CTNNA3: variants seen among roughly 807,000 people sequenced by gnomAD.
CTNNA3 encodes the protein catenin alpha-3.
CTNNA3 carries 76 observed loss-of-function variants against 95.7 expected under a neutral mutation model. The observed-to-expected ratio is 0.79, with a 90% CI of 0.66 to 0.96. The LOEUF (loss-of-function observed/expected upper bound fraction) is 0.96, where lower values mean the gene tolerates loss of function less well. Ranked by LOEUF, CTNNA3 falls within the 40% of genes least tolerant of loss-of-function variation. CTNNA3 has a pLI of 0.00. For synonymous variants in CTNNA3, 431 were observed against 374.4 expected, an observed-to-expected ratio of 1.15 and a Z score of -1.74; for missense variants, 1,191 against 1,089.8, an observed-to-expected ratio of 1.09 and a Z score of -1.31.
At chr10:65,982,196 G>A (rs756305169) in intron 16 of CTNNA3, among the ~76,000 whole-genome samples, 5 of 144,784 alleles carry the variant, frequency 3.5e-5, no homozygotes, top group Admixed American at 2.1e-4. Context: ...ATGAATAGAC[G>A]ATTCTCAAAA....
intron 7 of CTNNA3, among the ~76,000 whole-genome samples, chr10:66,922,208 C>T (rs1005780409): frequency 1.3e-5 from 2 of 152,114 alleles, no homozygotes; most frequent in Admixed American, 1.3e-4. Flanking sequence ...TTTAACTCGT[C>T]AGGTAGTTTA....
At chr10:66,380,350 C>T (rs72804769) in intron 11 of CTNNA3, among the ~76,000 whole-genome samples, 9,214 of 152,124 alleles carry the variant, frequency 0.061, 394 homozygotes, top group East Asian at 0.099. Flanking sequence ...TGGCTCACAT[C>T]TATAATCCTA....
At position 67,209,704 on chromosome 10, in the gene CTNNA3, T is replaced by C. The variant is rs1864060816; in HGVS notation, c.843+9903A>G. ...AATTAATTTTAAAGGATGACAAAAA[T>C]AAACAAAAAACAATTTTAAAACACC... On this transcript the variant is annotated intron_variant, in intron 6 of 17. Coordinates refer to ENST00000433211, the MANE Select transcript of CTNNA3 (RefSeq NM_013266.4). Among the ~76,000 whole-genome samples, 4 of 148,966 alleles carry C rather than the reference T, an allele frequency of 2.7e-5. No individual in the cohort carries two copies. The South Asian group carries it at 8.5e-4, about 31-fold the overall frequency.
intron 13 of CTNNA3, among the ~76,000 whole-genome samples, chr10:66,241,675 G>A (rs1482875704): frequency 6.8e-6 from 1 of 147,092 alleles, no homozygotes; most frequent in African/African-American, 2.5e-5. Flanking sequence ...ACTTAACTGG[G>A]CAATGATATG....
rs537857748 is a variant in CTNNA3, at chr10:67,683,950, T to C, written c.-6+12050A>G. On this transcript the variant is annotated intron_variant, in intron 1 of 17. Coordinates refer to ENST00000433211, the MANE Select transcript of CTNNA3 (RefSeq NM_013266.4). ...AGCCGCAGACCCTCGTGGTGAGTAT[T>C]ACAGCTCATAAAGGTAATGCGAACC... is the stretch of plus-strand genomic sequence containing the variant. Among the ~76,000 whole-genome samples the C allele has an allele frequency of 2.6e-5, 4 of 152,322 alleles. No individual in the cohort carries two copies. The South Asian group carries it at 8.3e-4, about 32-fold the overall frequency.
chr10:67,603,718 A>C (rs927290529), intron 3 of CTNNA3, among the ~76,000 whole-genome samples: 8 of 152,220 alleles, frequency 5.3e-5, no homozygotes, highest in Admixed American at 4.6e-4. Context: ...TTACTACAAA[A>C]GAGTCAAAAA....
intron 13 of CTNNA3, among the ~76,000 whole-genome samples, chr10:66,253,136 T>C (rs1180684907): frequency 6.6e-6 from 1 of 152,234 alleles, no homozygotes; most frequent in African/African-American, 2.4e-5. Flanking sequence ...AAATCAATGA[T>C]ACATTTTTCC....
chr10:67,076,879 CTT>C (rs1856775682), intron 7 of CTNNA3, among the ~76,000 whole-genome samples: 1 of 152,192 alleles, frequency 6.6e-6, no homozygotes, highest in African/African-American at 2.4e-5. Context: ...AAACCTCTCT[CTT>C]GAGCTCTAGA....
At chr10:66,991,440 G>A (rs1327380344) in intron 7 of CTNNA3, among the ~76,000 whole-genome samples, 2 of 152,082 alleles carry the variant, frequency 1.3e-5, no homozygotes, top group Non-Finnish European at 2.9e-5. Flanking sequence ...ACACCATCAT[G>A]TTTTATCTCT....
intron 3 of CTNNA3, among the ~76,000 whole-genome samples, chr10:67,591,505 A>C (rs1842786233): frequency 6.6e-6 from 1 of 152,142 alleles, no homozygotes; most frequent in Non-Finnish European, 1.5e-5. Flanking sequence ...ATTTGTAAAA[A>C]CATATTAAGT....
In CTNNA3 at chr10:66,682,453, A is replaced by G. The variant is rs531458075; in HGVS notation, c.1282-60669T>C. On this transcript the variant is annotated intron_variant, in intron 9 of 17. Transcript: ENST00000433211. The stretch of plus-strand genomic sequence containing the variant: ...GACCTGGATGGCTACAGATTAAAAT[A>G]TGGATGGAAGGACCACTGAGAAAAA... Among the ~76,000 whole-genome samples, 141 of 152,290 alleles carry G rather than the reference A, an allele frequency of 9.3e-4. 1 individual carries two copies. In the South Asian group the frequency reaches 0.028, roughly 31 times the overall value.
chr10:67,570,977 C>T (rs1841955375), intron 3 of CTNNA3, among the ~76,000 whole-genome samples: 1 of 152,124 alleles, frequency 6.6e-6, no homozygotes, highest in Non-Finnish European at 1.5e-5. Flanking sequence ...CCTTCAATGG[C>T]AAGATAAGGA....
chr10:66,440,666 A>G (rs1040943392), intron 11 of CTNNA3, among the ~76,000 whole-genome samples: 29 of 152,270 alleles, frequency 1.9e-4, no homozygotes, highest in African/African-American at 6.7e-4. Flanking sequence ...AGAATAGGGT[A>G]GTAGTTAAAA....
At chr10:67,012,031 A>T (rs1272472006) in intron 7 of CTNNA3, among the ~76,000 whole-genome samples, 1 of 152,170 alleles carries the variant, frequency 6.6e-6, no homozygotes, top group Non-Finnish European at 1.5e-5. Context: ...TATATGAGGA[A>T]ACAGAAACTT....
intron 7 of CTNNA3, among the ~76,000 whole-genome samples, chr10:66,911,631 C>T (rs12260000): frequency 0.038 from 5,790 of 152,176 alleles, 360 homozygotes; most frequent in African/African-American, 0.13. Flanking sequence ...GTATCTGTGT[C>T]GTATATTAAT....
Position 66,693,637 on chromosome 10 carries a change from C to A in CTNNA3, c.1282-71853G>T, listed in dbSNP as rs184305546. The stretch of plus-strand genomic sequence containing the variant: ...TAATAGACATCTACAGAACTCTTCA[C>A]CCCAAATCAACAGAATATACATTCT... On this transcript the variant is annotated intron_variant, in intron 9 of 17. Coordinates refer to ENST00000433211, the MANE Select transcript of CTNNA3 (RefSeq NM_013266.4). Among the ~76,000 whole-genome samples, 330 of 152,118 alleles carry A rather than the reference C, an allele frequency of 2.2e-3. 2 individuals are homozygous for A. The highest frequency in any genetic ancestry group is 2.3e-3 in the Non-Finnish European group (157 of 68,026).
chr10:66,067,046 CAA>C (rs1256407269), intron 15 of CTNNA3, among the ~76,000 whole-genome samples: 1 of 151,914 alleles, frequency 6.6e-6, no homozygotes, highest in African/African-American at 2.4e-5. Flanking sequence ...GCTTCAGAAG[CAA>C]AAGTTTTTCT....
chr10:66,778,403 T>C (rs913764708), intron 7 of CTNNA3, among the ~76,000 whole-genome samples: 1 of 152,182 alleles, frequency 6.6e-6, no homozygotes, highest in African/African-American at 2.4e-5. Context: ...GAATTCTGTG[T>C]TCTGAGACAA....
intron 15 of CTNNA3, among the ~76,000 whole-genome samples, chr10:66,031,464 C>T (rs1178253413): frequency 1.3e-5 from 2 of 152,074 alleles, no homozygotes; most frequent in African/African-American, 4.8e-5. Flanking sequence ...AACAGAAAAC[C>T]AATACCACAT....
Sources: gnomAD v4.1 joint callset for allele counts (sites outside exome capture counted in the v4.1 genomes callset) on GRCh38, gnomAD v4.1.1 for gene constraint, MANE v1.5 for transcripts, NCBI Gene and HGNC (gene_info 2026-07-23, HGNC 2026-07-21) for gene names.